PSG6: variants seen among roughly 807,000 people sequenced by gnomAD.
PSG6 encodes pregnancy-specific beta-1-glycoprotein 6.
A neutral mutation model predicts 43.3 loss-of-function variants in PSG6; 51 were observed. The observed-to-expected ratio is 1.18, with a 90% CI of 0.94 to 1.49. PSG6 has a LOEUF of 1.49. Ranked by LOEUF, PSG6 falls within the 40% of genes most tolerant of loss-of-function variation. PSG6 has a pLI of 0.00. For synonymous variants in PSG6, 292 were observed against 197.6 expected, an observed-to-expected ratio of 1.48 and a Z score of -4.01; for missense variants, 770 against 522.2, an observed-to-expected ratio of 1.47 and a Z score of -4.62.
intron 5 of PSG6, among the ~76,000 whole-genome samples, chr19:42,902,800 G>A (rs139540255): frequency 6.6e-6 from 1 of 151,282 alleles, no homozygotes; most frequent in African/African-American, 2.4e-5. Flanking sequence ...CATCTCAGTT[G>A]GTAAAAACTA....
At chr19:42,915,904 T>C (rs1972315850) in intron 2 of PSG6, 1 of 672,422 alleles carries the variant, frequency 1.5e-6, no homozygotes, top group Non-Finnish European at 2.3e-6. Flanking sequence ...AGACTGTCCT[T>C]CCTCTGCAGC....
intron 5 of PSG6, chr19:42,903,720 C>G (rs1233912497): frequency 2.7e-6 from 4 of 1,491,238 alleles, no homozygotes; most frequent in Non-Finnish European, 3.6e-6. Flanking sequence ...GAGATGCTGT[C>G]TCTACAAAAA....
At chr19:42,914,777 C>T (rs780840885) in intron 2 of PSG6, among the ~76,000 whole-genome samples, 2 of 151,762 alleles carry the variant, frequency 1.3e-5, no homozygotes, top group East Asian at 3.9e-4. Context: ...CTGAGTGTGT[C>T]TCTCTCACTG....
chr19:42,906,498 C>A, intron 5 of PSG6: 10 of 1,234,128 alleles, frequency 8.1e-6, no homozygotes, highest in Non-Finnish European at 1.0e-5. Flanking sequence ...TTCCTCCTCT[C>A]ATTTGGGGGA....
Position 42,906,631 on chromosome 19 carries a change from A to G in PSG6, c.1240+291T>C. 5 of 1,376,414 alleles carry G rather than the reference A, an allele frequency of 3.6e-6. No homozygotes were observed. In the South Asian group the frequency reaches 8.4e-5, roughly 23 times the overall value. The allele number at this position is 1,376,414 out of a possible 1,614,324, so 85.3% of individuals were successfully genotyped here. On this transcript the variant is annotated intron_variant, in intron 5 of 5. Coordinates refer to ENST00000187910, the MANE Select transcript of PSG6 (RefSeq NM_001031850.4). ...AGCGAGAAGCAACTTGATCTTGAGG[A>G]CTCTCCTTCTTGTCCCTCTGTGAAG...
intron 2 of PSG6, chr19:42,915,890 C>T (rs936626619): frequency 9.6e-6 from 6 of 623,328 alleles, no homozygotes; most frequent in Admixed American, 3.3e-5. Context: ...TGAGTCCCCC[C>T]ATCAGACTGT....
In PSG6 at chr19:42,914,779, C is replaced by G. The variant is rs1451692814; in HGVS notation, c.427+1346G>C. Among the ~76,000 whole-genome samples the G allele has an allele frequency of 7.9e-5, 12 of 151,664 alleles. 1 individual carries two copies. The highest frequency in any genetic ancestry group is 2.4e-4 in the African/African-American group (10 of 41,266). On this transcript the variant is annotated intron_variant, in intron 2 of 5. Transcript: ENST00000187910. ...TATGTGAGAGCTCCTGAGTGTGTCT[C>G]TCTCACTGGGCCTGTGCTGAGGCAG... is the stretch of plus-strand genomic sequence containing the variant.
At chr19:42,916,073 G>A in intron 2 of PSG6, 52 bp downstream of exon 2, 1 of 1,603,036 alleles carries the variant, frequency 6.2e-7, no homozygotes, top group Non-Finnish European at 8.5e-7. Flanking sequence ...TGTGTGTGAA[G>A]TAGAAATGAC....
intron 5 of PSG6, chr19:42,903,852 C>A (rs1972072909): frequency 2.4e-5 from 29 of 1,201,072 alleles, no homozygotes; most frequent in Admixed American, 3.7e-5. Flanking sequence ...ATAATCACAC[C>A]ACTGTATTCC....
chr19:42,915,340 A>G (rs1275169488), intron 2 of PSG6: 1 of 151,888 alleles, frequency 6.6e-6, no homozygotes, highest in Non-Finnish European at 1.5e-5. Context: ...CACAAACAGC[A>G]TTTATTATTA....
intron 3 of PSG6, among the ~76,000 whole-genome samples, chr19:42,908,723 T>C (rs1972164686): frequency 6.6e-6 from 1 of 151,772 alleles, no homozygotes; most frequent in Admixed American, 6.6e-5. Flanking sequence ...AATCTAGTCC[T>C]CATGGACCAT....
In PSG6 at chr19:42,907,511, C is replaced by T. The variant is rs151224971; in HGVS notation, c.985+65G>A. On this transcript the variant is annotated intron_variant, in intron 4 of 5. Coordinates refer to ENST00000187910, the MANE Select transcript of PSG6 (RefSeq NM_001031850.4). ...CTTGGACCGGAGAGAGACTGAGAGG[C>T]CTGGCCTCTGGTCGTTTGGAGTTAA... The T allele has an allele frequency of 3.1e-6, 5 of 1,598,904 alleles. 1 individual carries two copies. The African/African-American group carries it at 4.0e-5, about 13-fold the overall frequency.
At chr19:42,911,211 G>A (rs1041570078) in intron 2 of PSG6, among the ~76,000 whole-genome samples, 1 of 151,514 alleles carries the variant, frequency 6.6e-6, no homozygotes, top group African/African-American at 2.4e-5. Flanking sequence ...GGCATGCAGT[G>A]CTGGAATCTT....
intron 1 of PSG6, 134 bp downstream of exon 1, chr19:42,917,595 T>C (rs1972362358): frequency 7.3e-7 from 1 of 1,362,396 alleles, no homozygotes; most frequent in South Asian, 1.3e-5. Context: ...GAACTCCTGA[T>C]CTCGTGATCC....
intron 2 of PSG6, among the ~76,000 whole-genome samples, chr19:42,914,896 T>C (rs1252142504): frequency 6.6e-6 from 1 of 151,504 alleles, no homozygotes; most frequent in African/African-American, 2.4e-5. Context: ...TCACATTCAG[T>C]GATGGAGGTT....
rs564151864 is a variant in PSG6 at position 42,903,284 on chromosome 19, G to T, written c.1241-838C>A. 1.1e-3 allele frequency among the ~76,000 whole-genome samples: 166 copies of T among 151,704 alleles called. 6 individuals carry two copies. In the South Asian group the frequency reaches 0.025, roughly 23 times the overall value. On this transcript the variant is annotated intron_variant, in intron 5 of 5. Coordinates refer to ENST00000187910, the MANE Select transcript of PSG6 (RefSeq NM_001031850.4). The stretch of plus-strand genomic sequence containing the variant: ...GCAATTTTCAGGTGAGGAATCAGGG[G>T]TTCAGAGAAGTTGAGTCTTGTGCAA...
At chr19:42,909,921 G>A in intron 3 of PSG6, 1 of 162,302 alleles carries the variant, frequency 6.2e-6, no homozygotes, top group Non-Finnish European at 1.4e-5. Context: ...CCACTTACCA[G>A]GGACTATGAT....
At chr19:42,917,698 C>G (rs1462638569) in intron 1 of PSG6, 31 bp downstream of exon 1, 1 of 1,606,684 alleles carries the variant, frequency 6.2e-7, no homozygotes, top group South Asian at 1.1e-5. Context: ...GCTTCCTCCT[C>G]CTGTCCTCTC....
At chr19:42,910,895 C>G in intron 2 of PSG6, 37 bp from the exon 3 acceptor site, 1 of 1,570,134 alleles carries the variant, frequency 6.4e-7, no homozygotes, top group Non-Finnish European at 8.6e-7. Context: ...CCCTGTGTGG[C>G]ACCTTTGATT....
Sources: allele counts gnomAD v4.1 joint callset (sites outside exome capture counted in the v4.1 genomes callset), GRCh38; gene constraint gnomAD v4.1.1; transcripts MANE v1.5; gene names NCBI Gene and HGNC (gene_info 2026-07-23, HGNC 2026-07-21).